Variants in PHIP observed in about 807,000 individuals in gnomAD.
PHIP encodes the protein PH-interacting protein.
PHIP carries 54 observed loss-of-function variants against 236.8 expected under a neutral mutation model. The observed-to-expected ratio is 0.23, with a 90% CI of 0.18 to 0.29. The LOEUF (loss-of-function observed/expected upper bound fraction) is 0.29, where lower values mean the gene tolerates loss of function less well. Among genes scored for constraint, PHIP ranks in the 10% least tolerant of loss-of-function variants. PHIP has a pLI of 1.00. For missense variants in PHIP, 1,370 were observed against 2,190.8 expected (o/e 0.63, Z 7.48); for synonymous variants, 756 against 718.9 (o/e 1.05, Z -0.83).
chr6:78,941,682 G>C (rs1177761031), intron 39 of PHIP, among the ~76,000 whole-genome samples: 1 of 152,108 alleles, frequency 6.6e-6, no homozygotes, highest in Non-Finnish European at 1.5e-5. Context: ...TCTTAGAACT[G>C]TTTAAAGAGG....
chr6:79,002,255 A>G lies in PHIP; in HGVS notation c.1654-131T>C, dbSNP rs9361478. Reference sequence around the variant, plus strand: ...ATGGTATTAAGCAACAATTTTTAAAATATTATTTTCCTGAATTAATTGTAA... The same window carrying G: ...ATGGTATTAAGCAACAATTTTTAAAGTATTATTTTCCTGAATTAATTGTAA... On this transcript the variant is annotated intron_variant, in intron 16 of 39. Transcript: ENST00000275034. 165,091 of 595,042 alleles carry G rather than the reference A, an allele frequency of 0.28. 24,124 individuals are homozygous for G. The highest frequency in any genetic ancestry group is 0.31 in the Non-Finnish European group (104,265 of 340,526). 36.9% of individuals were successfully genotyped at this position (595,042 alleles called of 1,614,324 possible).
At chr6:79,004,765 T>C (rs755190466) in intron 15 of PHIP, among the ~76,000 whole-genome samples, 8 of 152,102 alleles carry the variant, frequency 5.3e-5, no homozygotes, top group Non-Finnish European at 8.8e-5. Flanking sequence ...GCTTTATTAG[T>C]AATATCCCAG....
At position 78,940,966 on chromosome 6, in the gene PHIP, G is replaced by T. The variant is rs930842042; in HGVS notation, c.5193C>A (p.Val1731=). The T allele has an allele frequency of 6.2e-7, 1 of 1,613,586 alleles. No individual in the cohort carries two copies. Among genetic ancestry groups the T allele is most frequent in the Non-Finnish European group, 8.5e-7 (1 of 1,179,730 alleles). ...KTQKLDADLL[V]PASVKVLRRS... ...TCCTTAACACTTTGACACTTGCAGG[G>T]ACTAGGAGATCTGCATCTAATTTTT... The change falls in exon 40 of 40, where the codon GTC becomes GTA. Residue 1731 remains valine (V), a synonymous_variant. Transcript: ENST00000275034.
At chr6:79,033,967 G>A (rs1410410047) in intron 7 of PHIP, among the ~76,000 whole-genome samples, 1 of 152,104 alleles carries the variant, frequency 6.6e-6, no homozygotes, top group African/African-American at 2.4e-5. Flanking sequence ...GCCAGTTGGT[G>A]GAGCAATCAG....
chr6:78,941,120 T>C lies in PHIP; in HGVS notation c.5039A>G (p.His1680Arg), dbSNP rs774717285. Residue 1680 changes from histidine (H) to arginine (R), a missense_variant, in exon 40 of 40, where the codon CAT becomes CGT. Coordinates refer to ENST00000275034, the MANE Select transcript of PHIP (RefSeq NM_017934.7). ...KPEDLEQNNV[H>R]PIRDEVLPSS... ...AGGAAGTACTTCATCTCTGATGGGA[T>C]GCACATTATTTTGCTCTAAATCTTC... 6.2e-7 allele frequency: 1 copy of C among 1,614,044 alleles called. No homozygotes were observed. Among genetic ancestry groups the C allele is most frequent in the Non-Finnish European group, 8.5e-7 (1 of 1,179,900 alleles).
intron 7 of PHIP, among the ~76,000 whole-genome samples, chr6:79,037,356 C>A (rs1259346165): frequency 6.6e-6 from 1 of 152,160 alleles, no homozygotes; most frequent in Non-Finnish European, 1.5e-5. Context: ...ATCCCACAAA[C>A]AAGAAGCTGT....
intron 6 of PHIP, among the ~76,000 whole-genome samples, chr6:79,044,380 A>G (rs938707634): frequency 1.1e-4 from 16 of 152,180 alleles, no homozygotes; most frequent in East Asian, 1.9e-4. Flanking sequence ...CAGAGACTCA[A>G]TAAGTTTCAA....
intron 7 of PHIP, among the ~76,000 whole-genome samples, chr6:79,027,775 G>T (rs1771481256): frequency 6.6e-6 from 1 of 152,122 alleles, no homozygotes; most frequent in African/African-American, 2.4e-5. Flanking sequence ...CCCAGAAGTG[G>T]TGATGCTTGA....
intron 32 of PHIP, chr6:78,958,242 G>A: frequency 2.8e-6 from 1 of 352,144 alleles, no homozygotes; most frequent in African/African-American, 2.1e-5. Flanking sequence ...AAACACAATG[G>A]TAATACGATT....
At chr6:79,009,218 C>T (rs2127736769) in intron 15 of PHIP, among the ~76,000 whole-genome samples, 1 of 152,236 alleles carries the variant, frequency 6.6e-6, no homozygotes, top group East Asian at 1.9e-4. Context: ...ACTGACAGTT[C>T]ATCTCAATTT....
At chr6:79,074,417 T>C (rs1476851038) in intron 4 of PHIP, among the ~76,000 whole-genome samples, 1 of 152,074 alleles carries the variant, frequency 6.6e-6, no homozygotes, top group Admixed American at 6.5e-5. Context: ...AGATTCACTA[T>C]TCAAACTAAG....
intron 35 of PHIP, among the ~76,000 whole-genome samples, chr6:78,953,249 C>T (rs982311916): frequency 2.0e-5 from 3 of 152,150 alleles, no homozygotes; most frequent in Non-Finnish European, 2.9e-5. Context: ...ATTCAGGGTA[C>T]AGTTCTTCAA....
chr6:78,975,402 C>T (rs1417383008), intron 24 of PHIP, among the ~76,000 whole-genome samples: 2 of 152,144 alleles, frequency 1.3e-5, no homozygotes, highest in African/African-American at 2.4e-5. Context: ...CTATGACAAA[C>T]CCACAGCCAA....
chr6:79,013,974 T>A (rs1012738728), intron 15 of PHIP, among the ~76,000 whole-genome samples: 4 of 151,548 alleles, frequency 2.6e-5, no homozygotes, highest in African/African-American at 9.7e-5. Context: ...GGTGGCTTTT[T>A]AAAAAAATCT....
intron 9 of PHIP, among the ~76,000 whole-genome samples, chr6:79,022,180 G>C (rs1178985238): frequency 1.3e-5 from 2 of 152,118 alleles, no homozygotes; most frequent in African/African-American, 4.8e-5. Flanking sequence ...GCGACCTTAG[G>C]CCAAGTTAAC....
rs780639107 is a variant in PHIP at position 79,078,074 on chromosome 6, T to C, written c.-6A>G. The C allele has an allele frequency of 3.7e-6, 6 of 1,608,696 alleles. No individual in the cohort carries two copies. In the African/African-American group the frequency reaches 5.4e-5, roughly 14 times the overall value. On this transcript the variant is annotated 5_prime_UTR_variant, in exon 1 of 40. Coordinates refer to ENST00000275034, the MANE Select transcript of PHIP (RefSeq NM_017934.7). ...CCTTTCCTCTCACAAGACATGTTTA[T>C]GGGTCACTTCAGGGCCGCCGACGGG... is the stretch of plus-strand genomic sequence containing the variant.
intron 22 of PHIP, among the ~76,000 whole-genome samples, 171 bp from the exon 23 acceptor site, chr6:78,983,288 T>C (rs1049859874): frequency 5.3e-5 from 8 of 152,166 alleles, no homozygotes; most frequent in African/African-American, 1.2e-4. Flanking sequence ...TGAAATTCTA[T>C]AGGCTTTACT....
intron 23 of PHIP, among the ~76,000 whole-genome samples, chr6:78,980,279 G>T (rs1253871680): frequency 6.6e-6 from 1 of 151,886 alleles, no homozygotes; most frequent in Non-Finnish European, 1.5e-5. Context: ...ATGCTTTAAA[G>T]AATAGACCCT....
intron 7 of PHIP, among the ~76,000 whole-genome samples, chr6:79,037,774 T>G (rs1274661657): frequency 6.6e-6 from 1 of 152,216 alleles, no homozygotes; most frequent in Non-Finnish European, 1.5e-5. Context: ...TCTGCAAGAA[T>G]GGACATTAGT....
Sources: allele counts gnomAD v4.1 joint callset (sites outside exome capture counted in the v4.1 genomes callset), GRCh38; gene constraint gnomAD v4.1.1; transcripts MANE v1.5; gene names NCBI Gene and HGNC (gene_info 2026-07-23, HGNC 2026-07-21).